Variants in SFPQ observed in about 807,000 individuals in gnomAD.
SFPQ encodes the protein splicing factor, proline- and glutamine-rich.
In SFPQ, 11 loss-of-function variants were observed where a neutral mutation model predicts 72.9. The ratio of observed to expected loss-of-function variants is 0.15; its 90% CI spans 0.09 to 0.25. The LOEUF (loss-of-function observed/expected upper bound fraction) is 0.25. Among genes scored for constraint, SFPQ ranks in the 10% least tolerant of loss-of-function variants. SFPQ has a pLI of 1.00. For missense variants in SFPQ, 847 were observed against 993.3 expected (o/e 0.85, Z 1.98); for synonymous variants, 506 against 367.3 (o/e 1.38, Z -4.32).
downstream of SFPQ, chr1:35,180,834 C>T: frequency 1.0e-6 from 1 of 985,388 alleles, no homozygotes; most frequent in South Asian, 4.7e-5. Flanking sequence ...CTCCCCCACA[C>T]CACTGATGTG....
At chr1:35,177,941 A>G, downstream of SFPQ, 1 of 922,930 alleles carries the variant, frequency 1.1e-6, no homozygotes, top group Non-Finnish European at 1.4e-6. Flanking sequence ...AATTATTTAA[A>G]TCAAACTCAA....
At position 35,192,216 on chromosome 1, in the gene SFPQ, A is replaced by G; in HGVS notation, c.828+6T>C. 1 of 1,449,962 alleles carries G rather than the reference A, an allele frequency of 6.9e-7. No homozygotes were observed. Among genetic ancestry groups the G allele is most frequent in the Non-Finnish European group, 9.0e-7 (1 of 1,109,326 alleles). The allele number at this position is 1,449,962 out of a possible 1,614,324, so 89.8% of individuals were successfully genotyped here. A position where few individuals can be genotyped will look rare whatever the true frequency, so the allele number is the denominator to read the frequency against. ...GAGCCGACGCGTCGCTCCCATAGAC[A>G]CTCACCTCCGAGTCCGAGATCTTCT... On this transcript the variant is annotated splice_donor_region_variant and intron_variant, in intron 1 of 9. Coordinates refer to ENST00000357214, the MANE Select transcript of SFPQ (RefSeq NM_005066.3).
At position 35,190,699 on chromosome 1, in the gene SFPQ, C is replaced by T. The variant is rs1484845522; in HGVS notation, c.1314G>A (p.Leu438=). 2 of 1,613,100 alleles carry T rather than the reference C, an allele frequency of 1.2e-6. No individual in the cohort carries two copies. Among genetic ancestry groups the T allele is most frequent in the Admixed American group, 1.7e-5 (1 of 59,860 alleles). The part of the protein sequence containing the change: ...FERCSEGVFL[L]TTTPRPVIVE... Reference sequence around the variant, plus strand: ...GAATAAACAAGACAACTTACGTCGTCAGTAAGAAAACACCTTCACTGCATC... The same window carrying T: ...GAATAAACAAGACAACTTACGTCGTTAGTAAGAAAACACCTTCACTGCATC... Residue 438 remains leucine (L), a synonymous_variant, in exon 3 of 10, where the codon CTG becomes CTA. Coordinates refer to ENST00000357214, the MANE Select transcript of SFPQ (RefSeq NM_005066.3).
At chr1:35,190,436 T>A in intron 4 of SFPQ, 62 bp downstream of exon 4, 1 of 1,199,954 alleles carries the variant, frequency 8.3e-7, no homozygotes, top group East Asian at 2.4e-5. Context: ...GGAAAATCAC[T>A]AAAATAAATT....
chr1:35,180,323 T>C (rs1639416120), downstream of SFPQ: 6 of 1,046,982 alleles, frequency 5.7e-6, no homozygotes, highest in Non-Finnish European at 6.9e-6. Context: ...TTTGAAGACT[T>C]AGGTTTTCTT....
rs576753443 is a variant in SFPQ, at chr1:35,191,528, C to A, written c.830G>T (p.Gly277Val). ...RSEEKISDSEGFKANLSLLRR... is the reference protein window; with the variant it reads ...RSEEKISDSEVFKANLSLLRR... Reference sequence around the variant, plus strand: ...CAAGAGAGACAAATTGGCTTTAAACCCCTAATGAAAAAGGAAAGAAGTTTT... The same window carrying A: ...CAAGAGAGACAAATTGGCTTTAAACACCTAATGAAAAAGGAAAGAAGTTTT... The change falls in exon 2 of 10, where the codon GGG becomes GTG. Residue 277 changes from glycine (G) to valine (V), a missense_variant and splice_region_variant. By Grantham distance (109) the Gly-to-Val change is moderately radical. Around this residue, in one of 6 missense-constraint regions of SFPQ, gnomAD observed 498 missense variants for 405.1 expected, o/e 1.23. Transcript: ENST00000357214. The A allele has an allele frequency of 6.2e-7, 1 of 1,604,448 alleles. No individual in the cohort carries two copies. The highest frequency in any genetic ancestry group is 8.5e-7 in the Non-Finnish European group (1 of 1,177,358).
Position 35,193,137 on chromosome 1 carries a change from G to C in SFPQ, c.-88C>G. Reference sequence around the variant, plus strand: ...CCTTGCTTCTCACAAAATGGCGGATGACACAGGCGGCGCGCCGCCTTTGTC... The same window carrying C: ...CCTTGCTTCTCACAAAATGGCGGATCACACAGGCGGCGCGCCGCCTTTGTC... On this transcript the variant is annotated 5_prime_UTR_variant, in exon 1 of 10. Transcript: ENST00000357214. The C allele has an allele frequency of 6.8e-7, 1 of 1,475,866 alleles. No individual in the cohort carries two copies. The highest frequency in any genetic ancestry group is 8.9e-7 in the Non-Finnish European group (1 of 1,121,386). 91.4% of individuals were successfully genotyped at this position (1,475,866 alleles called of 1,614,324 possible).
chr1:35,181,331 C>G, downstream of SFPQ: 1 of 1,065,536 alleles, frequency 9.4e-7, no homozygotes, highest in East Asian at 5.0e-5. Flanking sequence ...CATTCCGCCA[C>G]AACTTAGTGG....
downstream of SFPQ, chr1:35,181,450 AGT>A: frequency 9.4e-7 from 1 of 1,063,688 alleles, no homozygotes; most frequent in Non-Finnish European, 1.1e-6. Context: ...TGTTTATATT[AGT>A]GGTACAATAC....
Position 35,183,363 on chromosome 1 carries a change from G to A in SFPQ, c.*1093C>T, listed in dbSNP as rs566056866. The A allele has an allele frequency of 1.1e-5, 3 of 272,494 alleles. No homozygotes were observed. The highest frequency in any genetic ancestry group is 1.2e-5 in the Non-Finnish European group (2 of 172,596). The allele number at this position is 272,494 out of a possible 1,614,324, so 16.9% of individuals were successfully genotyped here. A position where few individuals can be genotyped will look rare whatever the true frequency, so the allele number is the denominator to read the frequency against. On this transcript the variant is annotated 3_prime_UTR_variant, in exon 10 of 10. Coordinates refer to ENST00000357214, the MANE Select transcript of SFPQ (RefSeq NM_005066.3). ...CTCCCGAGTAGCTGGGATTACAGGC[G>A]CCTGCCACCACGCCCAGCTAATTTT...
chr1:35,179,023 T>C, downstream of SFPQ: 2 of 1,059,004 alleles, frequency 1.9e-6, no homozygotes, highest in South Asian at 4.6e-5. Flanking sequence ...CAATGACAGA[T>C]GATTAGGAGC....
chr1:35,192,685 C>A lies in SFPQ; in HGVS notation c.365G>T (p.Gly122Val). ...AQGPGPAPGV[G>V]SAPPASSSAP... ...CGAGCTGGAGGCTGGTGGTGCGCTG[C>A]CTACTCCGGGAGCGGGGCCGGGTCC... Residue 122 changes from glycine to valine, a missense_variant, in exon 1 of 10, where the codon GGC becomes GTC. Gly to Val is a moderately radical substitution (Grantham distance 109). Coordinates refer to ENST00000357214, the MANE Select transcript of SFPQ (RefSeq NM_005066.3). The A allele has an allele frequency of 7.0e-7, 1 of 1,428,674 alleles. No homozygotes were observed. Among genetic ancestry groups the A allele is most frequent in the South Asian group, 1.5e-5 (1 of 68,062 alleles). The allele number at this position is 1,428,674 out of a possible 1,614,324, so 88.5% of individuals were successfully genotyped here.
At chr1:35,176,689 G>A (rs1348895147) in intron 5 of SFPQ, among the ~76,000 whole-genome samples, 3 of 151,724 alleles carry the variant, frequency 2.0e-5, no homozygotes, top group Admixed American at 2.0e-4. Flanking sequence ...CTAACATGGT[G>A]AAACTCTGTC....
At chr1:35,178,388 T>A (rs1639333706), downstream of SFPQ, 1 of 1,064,338 alleles carries the variant, frequency 9.4e-7, no homozygotes, top group African/African-American at 1.6e-5. Flanking sequence ...AGTTTTAACA[T>A]CAGCTCTTTT....
chr1:35,190,259 C>A (rs1288789439), intron 4 of SFPQ, among the ~76,000 whole-genome samples: 2 of 152,212 alleles, frequency 1.3e-5, no homozygotes, highest in Non-Finnish European at 2.9e-5. Context: ...CAGTCACACA[C>A]GTGACTTTAT....
At chr1:35,192,170 G>A (rs1187434892) in intron 1 of SFPQ, 52 bp downstream of exon 1, 51 of 1,299,742 alleles carry the variant, frequency 3.9e-5, no homozygotes, top group South Asian at 2.1e-5. Context: ...GGGCGAGGAG[G>A]GGGCCGCCGC....
Position 35,192,273 on chromosome 1 carries a change from G to A in SFPQ, c.777C>T (p.Pro259=), listed in dbSNP as rs118141562. The A allele has an allele frequency of 3.4e-6, 5 of 1,462,038 alleles. No homozygotes were observed. The highest frequency in any genetic ancestry group is 3.0e-5 in the African/African-American group (2 of 67,416). The allele number at this position is 1,462,038 out of a possible 1,614,324, so 90.6% of individuals were successfully genotyped here. ...PPYHQQHHQG[P]PPGGPGGRSE... is the part of the protein sequence containing the mutation. ...TGCGGCCGCCGGGCCCGCCGGGCGG[G>A]GGCCCCTGGTGATGCTGCTGGTGGT... The change falls in exon 1 of 10, where the codon CCC becomes CCT. Residue 259 remains proline (P), a synonymous_variant. Coordinates refer to ENST00000357214, the MANE Select transcript of SFPQ (RefSeq NM_005066.3).
chr1:35,191,153 A>C (rs530522748), intron 2 of SFPQ, among the ~76,000 whole-genome samples, 158 bp from the exon 3 acceptor site: 1 of 151,120 alleles, frequency 6.6e-6, no homozygotes, highest in African/African-American at 2.4e-5. Flanking sequence ...TACCCACCCC[A>C]CCCCTCTTTT....
At position 35,184,281 on chromosome 1, in the gene SFPQ, C is replaced by T. The variant is rs1179103383; in HGVS notation, c.*175G>A. 4 of 1,395,832 alleles carry T rather than the reference C, an allele frequency of 2.9e-6. No homozygotes were observed. Among genetic ancestry groups the T allele is most frequent in the Non-Finnish European group, 3.7e-6 (4 of 1,084,332 alleles). 86.5% of individuals were successfully genotyped at this position (1,395,832 alleles called of 1,614,324 possible). A position where few individuals can be genotyped will look rare whatever the true frequency, so the allele number is the denominator to read the frequency against. ...AAAAGGAAAAAAAAATTCTCCTGTT[C>T]CAAACACTGCATTACATAATTTTAC... is the stretch of plus-strand genomic sequence containing the variant. On this transcript the variant is annotated 3_prime_UTR_variant, in exon 10 of 10. Coordinates refer to ENST00000357214, the MANE Select transcript of SFPQ (RefSeq NM_005066.3).
Sources: gnomAD v4.1 joint callset for allele counts (sites outside exome capture counted in the v4.1 genomes callset) on GRCh38, gnomAD v4.1.1 for gene constraint, gnomAD v4.1.1 regional missense constraint, MANE v1.5 for transcripts, NCBI Gene and HGNC (gene_info 2026-07-23, HGNC 2026-07-21) for gene names.